Variants in SH3GL1 observed in about 807,000 individuals in gnomAD.
SH3GL1 encodes the protein endophilin-A2.
Under a neutral mutation model 48.8 loss-of-function variants are expected in SH3GL1, and 21 were observed. The ratio of observed to expected loss-of-function variants is 0.43; its 90% CI spans 0.30 to 0.62. SH3GL1 has a LOEUF of 0.62. Among genes scored for constraint, SH3GL1 ranks in the 20% least tolerant of loss-of-function variants. The pLI is 0.11. For missense variants in SH3GL1, 454 were observed against 503.0 expected, an observed-to-expected ratio of 0.90 and a Z score of 0.93; for synonymous variants, 282 against 217.5, an observed-to-expected ratio of 1.30 and a Z score of -2.61.
At position 4,366,550 on chromosome 19, in the gene SH3GL1, C is replaced by T. The variant is rs148542338; in HGVS notation, c.138G>A (p.Ala46=). 9.9e-6 allele frequency: 16 copies of T among 1,612,170 alleles called. No individual in the cohort carries two copies. The highest frequency in any genetic ancestry group is 8.9e-5 in the East Asian group (4 of 44,866). The change falls in exon 3 of 10, where the codon GCG becomes GCA. Residue 46 remains alanine (A), a synonymous_variant. Coordinates refer to ENST00000269886, the MANE Select transcript of SH3GL1 (RefSeq NM_003025.4). ...MEKKVDVTSK[A]VTEVLARTIE... ...TGGTCCTGGCCAGCACTTCTGTCAC[C>T]GCCTTGCTGGTGACATCCACCTTCT...
chr19:4,363,485 G>T lies in SH3GL1; in HGVS notation c.625-12C>A. The T allele has an allele frequency of 6.2e-7, 1 of 1,606,976 alleles. No individual in the cohort carries two copies. The highest frequency in any genetic ancestry group is 8.5e-7 in the Non-Finnish European group (1 of 1,175,810). ...CTCACCTGCTCGATCTGTGGGGACA[G>T]TAGGGCTCAGGGGCTCCTGCCAGTG... On this transcript the variant is annotated splice_polypyrimidine_tract_variant and intron_variant, in intron 6 of 9. Coordinates refer to ENST00000269886, the MANE Select transcript of SH3GL1 (RefSeq NM_003025.4).
intron 1 of SH3GL1, among the ~76,000 whole-genome samples, chr19:4,392,488 C>A (rs1341882472): frequency 6.6e-6 from 1 of 150,814 alleles, no homozygotes; most frequent in Non-Finnish European, 1.5e-5. Flanking sequence ...CGGCCCGCTG[C>A]ACTCCAGCCT....
At chr19:4,372,550 A>AAAGTC (rs1972923661) in intron 1 of SH3GL1, among the ~76,000 whole-genome samples, 2 of 152,318 alleles carry the variant, frequency 1.3e-5, no homozygotes, top group East Asian at 3.9e-4. Context: ...TGGTGTAGAA[A>AAAGTC]AAGCCCTGAC....
At chr19:4,364,343 C>G (rs1025756971) in intron 4 of SH3GL1, 122 bp from the exon 5 acceptor site, 2 of 1,284,696 alleles carry the variant, frequency 1.6e-6, no homozygotes, top group African/African-American at 2.9e-5. Context: ...GCTGTACCAG[C>G]TCACTGCAGG....
intron 1 of SH3GL1, among the ~76,000 whole-genome samples, chr19:4,395,243 C>T (rs1023209725): frequency 1.3e-5 from 2 of 152,134 alleles, no homozygotes; most frequent in African/African-American, 4.8e-5. Context: ...GCAGCCCTGA[C>T]CTCCTCAGGT....
chr19:4,372,342 GAGGCGAGTGCTC>G (rs1972919246), intron 1 of SH3GL1, among the ~76,000 whole-genome samples: 1 of 152,228 alleles, frequency 6.6e-6, no homozygotes, highest in Non-Finnish European at 1.5e-5. Context: ...GGACGTGGAG[GAGGCGAGTGCTC>G]AGCCCCTCCT....
intron 4 of SH3GL1, among the ~76,000 whole-genome samples, chr19:4,364,866 T>TTGTGTGTGTGTG (rs373324973): frequency 0.095 from 9,187 of 96,536 alleles, 566 homozygotes; most frequent in Non-Finnish European, 0.12. Flanking sequence ...ACCCGGCTAA[T>TTGTGTGTGTGTG]TGTGTGTGTG....
chr19:4,362,857 G>C, intron 7 of SH3GL1, 121 bp from the exon 8 acceptor site: 1 of 1,498,966 alleles, frequency 6.7e-7, no homozygotes, highest in East Asian at 2.3e-5. Context: ...CGTCAGTGGG[G>C]TTGTGACACA....
intron 1 of SH3GL1, among the ~76,000 whole-genome samples, chr19:4,373,886 G>A (rs1972953064): frequency 6.6e-6 from 1 of 152,218 alleles, no homozygotes; most frequent in Admixed American, 6.5e-5. Context: ...GGGGGCCATG[G>A]TGCGGCCCGG....
In SH3GL1 at chr19:4,360,524, C is replaced by T. The variant is rs15093; in HGVS notation, c.*1076G>A. 21 of 233,808 alleles carry T rather than the reference C, an allele frequency of 9.0e-5. No homozygotes were observed. The highest frequency in any genetic ancestry group is 3.0e-4 in the East Asian group (5 of 16,562). 14.5% of individuals were successfully genotyped at this position (233,808 alleles called of 1,614,324 possible). A position where few individuals can be genotyped will look rare whatever the true frequency, so the allele number is the denominator to read the frequency against. On this transcript the variant is annotated 3_prime_UTR_variant, in exon 10 of 10. Transcript: ENST00000269886. ...GCAGGGCAGAGCAGAGCCTGGGGTCCGGAGGCTTCACTGGACCACAGGGGG... is the reference window on the plus strand; with the variant it reads ...GCAGGGCAGAGCAGAGCCTGGGGTCTGGAGGCTTCACTGGACCACAGGGGG...
In SH3GL1 at chr19:4,363,863, G is replaced by C; in HGVS notation, c.481C>G (p.Leu161Val). The change falls in exon 6 of 10, where the codon CTG (leucine) becomes GTG (valine). Residue 161 changes from leucine to valine, a missense_variant. Physicochemically the swap from Leu to Val is conservative, Grantham distance 32 (BLOSUM62 1). Transcript: ENST00000269886. ...LKEIQHHLKK[L>V]EGRRLDFDYK... ...TCAAAGTCCAGGCGGCGGCCCTCCAGTTTCTTCAGGTGGTGCTGGAGACGT... is the reference window on the plus strand; with the variant it reads ...TCAAAGTCCAGGCGGCGGCCCTCCACTTTCTTCAGGTGGTGCTGGAGACGT... 1.2e-6 allele frequency: 2 copies of C among 1,612,480 alleles called. No homozygotes were observed. The highest frequency in any genetic ancestry group is 1.7e-6 in the Non-Finnish European group (2 of 1,180,034).
intron 7 of SH3GL1, among the ~76,000 whole-genome samples, chr19:4,363,079 C>T (rs1972668441): frequency 6.6e-6 from 1 of 152,208 alleles, no homozygotes; most frequent in African/African-American, 2.4e-5. Flanking sequence ...CAGGTCTGGC[C>T]TCTGCATTCA....
At chr19:4,369,696 C>T (rs1310067777) in intron 1 of SH3GL1, among the ~76,000 whole-genome samples, 2 of 152,248 alleles carry the variant, frequency 1.3e-5, no homozygotes, top group Non-Finnish European at 2.9e-5. Flanking sequence ...CCCAGGACGA[C>T]TTCCTGAACC....
In SH3GL1 at chr19:4,376,998, T is replaced by A. The variant is rs1406667558; in HGVS notation, c.46-10004A>T. Among the ~76,000 whole-genome samples, 1 of 152,164 alleles carries A rather than the reference T, an allele frequency of 6.6e-6. No homozygotes were observed. Among genetic ancestry groups the A allele is most frequent in the Non-Finnish European group, 1.5e-5 (1 of 68,036 alleles). ...GACCCGGAAGGCAGCCAGATGATAC[T>A]CCTCCCATCACCTTCCCTTTTGTGG... On this transcript the variant is annotated intron_variant, in intron 1 of 9. Coordinates refer to ENST00000269886, the MANE Select transcript of SH3GL1 (RefSeq NM_003025.4). This position sits in a 1 kb window ranked among gnomAD's most constrained non-coding sequence, Gnocchi z 4.3.
At chr19:4,399,457 A>G (rs1973482629) in intron 1 of SH3GL1, among the ~76,000 whole-genome samples, 2 of 151,828 alleles carry the variant, frequency 1.3e-5, no homozygotes, top group Admixed American at 1.3e-4. Flanking sequence ...GGGAGGAAGG[A>G]AGGAAAGAAG....
At position 4,366,508 on chromosome 19, in the gene SH3GL1, G is replaced by T; in HGVS notation, c.180C>A (p.Pro60=). 2 of 1,609,726 alleles carry T rather than the reference G, an allele frequency of 1.2e-6. No individual in the cohort carries two copies. Reference sequence around the variant, plus strand: ...AGTGGCTGGAGCACCCACCTGGGTTGGGCTGCAGGTACTCGATGGTCCTGG... The same window carrying T: ...AGTGGCTGGAGCACCCACCTGGGTTTGGCTGCAGGTACTCGATGGTCCTGG... The part of the protein sequence containing the change: ...VLARTIEYLQ[P]NPASRAKLTM... Residue 60 remains proline (P), a synonymous_variant, in exon 3 of 10, where the codon CCC becomes CCA. Coordinates refer to ENST00000269886, the MANE Select transcript of SH3GL1 (RefSeq NM_003025.4).
intron 1 of SH3GL1, chr19:4,395,879 C>T (rs1973416014): frequency 6.6e-6 from 1 of 151,774 alleles, no homozygotes. Flanking sequence ...CCACTGCACT[C>T]CAGCCTGGGT....
intron 6 of SH3GL1, 100 bp from the exon 7 acceptor site, chr19:4,363,573 G>C: frequency 6.9e-7 from 1 of 1,449,456 alleles, no homozygotes; most frequent in Non-Finnish European, 9.7e-7. Flanking sequence ...GGGCTGAGAG[G>C]GGACAGGGGA....
At chr19:4,387,213 G>C (rs909326271) in intron 1 of SH3GL1, among the ~76,000 whole-genome samples, 4 of 152,210 alleles carry the variant, frequency 2.6e-5, no homozygotes, top group Non-Finnish European at 5.9e-5. Context: ...TGGGATTACA[G>C]GCATGAGCCA....
Sources: allele counts gnomAD v4.1 joint callset (sites outside exome capture counted in the v4.1 genomes callset), GRCh38; gene constraint gnomAD v4.1.1; non-coding constraint Gnocchi (gnomAD v3.1); transcripts MANE v1.5; gene names NCBI Gene and HGNC (gene_info 2026-07-23, HGNC 2026-07-21).